PLCD3: variants seen among roughly 807,000 people sequenced by gnomAD.
PLCD3 encodes 1-phosphatidylinositol 4,5-bisphosphate phosphodiesterase delta-3.
A neutral mutation model predicts 82.8 loss-of-function variants in PLCD3; 62 were observed. The observed-to-expected ratio is 0.75, with a 90% CI of 0.61 to 0.93. The LOEUF is 0.93. Ranked by LOEUF, PLCD3 falls within the 40% of genes least tolerant of loss-of-function variation. PLCD3 has a pLI of 0.00. For synonymous variants in PLCD3, 478 were observed against 471.8 expected, an observed-to-expected ratio of 1.01 and a Z score of -0.17; for missense variants, 1,023 against 1,103.4, an observed-to-expected ratio of 0.93 and a Z score of 1.03.
At chr17:45,112,762 C>T in intron 14 of PLCD3, 58 bp from the exon 15 acceptor site, 2 of 1,588,932 alleles carry the variant, frequency 1.3e-6, no homozygotes, top group Non-Finnish European at 1.7e-6. Context: ...TCTGGCCCAG[C>T]CCGGGCCTGC....
chr17:45,117,009 A>G (rs1037694268), intron 7 of PLCD3, among the ~76,000 whole-genome samples: 2 of 152,068 alleles, frequency 1.3e-5, no homozygotes, highest in African/African-American at 4.8e-5. Flanking sequence ...TAGTGGTGCA[A>G]TCTCAGCTCA....
chr17:45,112,517 G>A lies in PLCD3; in HGVS notation c.*99C>T. On this transcript the variant is annotated 3_prime_UTR_variant, in exon 15 of 15. Coordinates refer to ENST00000619929, the MANE Select transcript of PLCD3 (RefSeq NM_133373.5). Reference sequence around the variant, plus strand: ...TGAGTGGGCCAAGTGGGTGGGCTGGGGGGCTGGTACTCCCACCACCTGACT... The same window carrying A: ...TGAGTGGGCCAAGTGGGTGGGCTGGAGGGCTGGTACTCCCACCACCTGACT... 1.5e-6 allele frequency: 2 copies of A among 1,314,140 alleles called. No homozygotes were observed. The highest frequency in any genetic ancestry group is 2.1e-6 in the Non-Finnish European group (2 of 939,220). 81.4% of individuals were successfully genotyped at this position (1,314,140 alleles called of 1,614,324 possible). A position where few individuals can be genotyped will look rare whatever the true frequency, so the allele number is the denominator to read the frequency against.
intron 10 of PLCD3, 63 bp downstream of exon 10, chr17:45,115,031 C>T (rs2054277511): frequency 6.5e-7 from 1 of 1,532,598 alleles, no homozygotes; most frequent in Non-Finnish European, 8.8e-7. Flanking sequence ...AACTCCTTTC[C>T]AGACTCCCTT....
chr17:45,118,870 G>A lies in PLCD3; in HGVS notation c.858C>T (p.Gly286=), dbSNP rs373640794. 5.0e-5 allele frequency: 80 copies of A among 1,611,864 alleles called. 2 individuals are homozygous for A. In the East Asian group the frequency reaches 5.6e-4, roughly 11 times the overall value. ...GCTGCTGGGCGCGGGCCAGTGTGGC[G>A]CCCTCCTCGCCCTGGTCCTCCAGGA... is the stretch of plus-strand genomic sequence containing the variant. ...LEFLEDQGEE[G]ATLARAQQLI... Residue 286 remains glycine, a synonymous_variant, in exon 5 of 15, where the codon GGC becomes GGT. Transcript: ENST00000619929. This position sits in a 1 kb window ranked among gnomAD's most constrained non-coding sequence, Gnocchi z 4.1.
chr17:45,117,193 C>T (rs949128450), intron 7 of PLCD3, among the ~76,000 whole-genome samples: 1 of 152,156 alleles, frequency 6.6e-6, no homozygotes, highest in African/African-American at 2.4e-5. Context: ...GATCTGCCCA[C>T]CTCAGCCTCC....
At chr17:45,122,762 C>T (rs2054351557) in intron 1 of PLCD3, among the ~76,000 whole-genome samples, 1 of 152,154 alleles carries the variant, frequency 6.6e-6, no homozygotes, top group Non-Finnish European at 1.5e-5. Flanking sequence ...CCCTGGAACA[C>T]GTGATGCCCA....
At chr17:45,119,302 A>G (rs2054318728) in intron 4 of PLCD3, among the ~76,000 whole-genome samples, 1 of 152,198 alleles carries the variant, frequency 6.6e-6, no homozygotes, top group Non-Finnish European at 1.5e-5. Context: ...ATCATAGCTC[A>G]CTGCAGCTTC....
intron 8 of PLCD3, among the ~76,000 whole-genome samples, chr17:45,116,338 G>A (rs1401875087): frequency 6.6e-6 from 1 of 152,154 alleles, no homozygotes; most frequent in Non-Finnish European, 1.5e-5. Flanking sequence ...GGCCTTGCAG[G>A]TGGGAATGGC....
In PLCD3 at chr17:45,121,200, C is replaced by T. The variant is rs1426994921; in HGVS notation, c.325+11G>A. ...ACCTCCCTGTCCGCCCGGCGCTCCC[C>T]GGCCTCTCACAGATGTGCTGCGATG... is the stretch of plus-strand genomic sequence containing the variant. On this transcript the variant is annotated intron_variant, in intron 2 of 14. Coordinates refer to ENST00000619929, the MANE Select transcript of PLCD3 (RefSeq NM_133373.5). 5 of 1,565,462 alleles carry T rather than the reference C, an allele frequency of 3.2e-6. No homozygotes were observed. The highest frequency in any genetic ancestry group is 2.7e-5 in the African/African-American group (2 of 73,450).
intron 1 of PLCD3, among the ~76,000 whole-genome samples, chr17:45,128,682 G>C (rs543123864): frequency 1.3e-5 from 2 of 152,344 alleles, no homozygotes; most frequent in Admixed American, 6.5e-5. Flanking sequence ...TCAGGGCACA[G>C]GCACACACGG....
rs142515394 is a variant in PLCD3 at position 45,126,322 on chromosome 17, A to T, written c.164-4950T>A. Among the ~76,000 whole-genome samples, 297 of 139,964 alleles carry T rather than the reference A, an allele frequency of 2.1e-3. 1 individual carries two copies. Among genetic ancestry groups the T allele is most frequent in the Admixed American group, 0.018 (245 of 13,320 alleles). The allele number at this position is 139,964 out of a possible 152,430, so 91.8% of individuals were successfully genotyped here. A position where few individuals can be genotyped will look rare whatever the true frequency, so the allele number is the denominator to read the frequency against. ...CAGCCTCCCAAAGTGCTGGGATTACAGGCATGAGCCACTGCGCCCAGCCTA... is the reference window on the plus strand; with the variant it reads ...CAGCCTCCCAAAGTGCTGGGATTACTGGCATGAGCCACTGCGCCCAGCCTA... On this transcript the variant is annotated intron_variant, in intron 1 of 14. Transcript: ENST00000619929.
rs575354326 is a variant in PLCD3 at position 45,112,779 on chromosome 17, G to A, written c.2282-75C>T. 31 of 1,592,396 alleles carry A rather than the reference G, an allele frequency of 1.9e-5. No homozygotes were observed. The East Asian group carries it at 5.9e-4, about 31-fold the overall frequency. ...TGGCCCAGCCCGGGCCTGCTTCAGG[G>A]CAGGAAATTCGAGGCACAAAGGTGA... On this transcript the variant is annotated intron_variant, in intron 14 of 14. Coordinates refer to ENST00000619929, the MANE Select transcript of PLCD3 (RefSeq NM_133373.5).
At chr17:45,117,961 G>C (rs1466594526) in intron 7 of PLCD3, 33 bp downstream of exon 7, 1 of 1,610,408 alleles carries the variant, frequency 6.2e-7, no homozygotes, top group African/African-American at 1.3e-5. Flanking sequence ...TGGGAAGGCT[G>C]TGGGGCTGGG....
At chr17:45,127,803 AGTGTGT>A (rs1447202637) in intron 1 of PLCD3, among the ~76,000 whole-genome samples, 1 of 71,672 alleles carries the variant, frequency 1.4e-5, no homozygotes. Context: ...AATGTGTGTG[AGTGTGT>A]GCGTGTGAGT....
chr17:45,123,008 AAAAT>A (rs1164221570), intron 1 of PLCD3, among the ~76,000 whole-genome samples: 3 of 152,322 alleles, frequency 2.0e-5, no homozygotes, highest in African/African-American at 7.2e-5. Context: ...AAATTGAAAA[AAAAT>A]AAAAATCAAT....
At chr17:45,121,170 T>C in intron 2 of PLCD3, 40 bp from the exon 3 acceptor site, 1 of 1,536,774 alleles carries the variant, frequency 6.5e-7, no homozygotes, top group Non-Finnish European at 8.7e-7. Context: ...ACCGGGCCTG[T>C]CCCCACCTCC....
In PLCD3 at chr17:45,108,980, C is replaced by G. The variant is rs1170305096; in HGVS notation, c.*3636G>C. The G allele has an allele frequency of 1.3e-5, 2 of 152,658 alleles. No individual in the cohort carries two copies. The highest frequency in any genetic ancestry group is 2.4e-5 in the African/African-American group (1 of 41,456). 9.5% of individuals were successfully genotyped at this position (152,658 alleles called of 1,614,324 possible). A position where few individuals can be genotyped will look rare whatever the true frequency, so the allele number is the denominator to read the frequency against. Reference sequence around the variant, plus strand: ...TGCATTGTTGTTCTGCTCAATACATCTCACTTGTTTCTAATAAAGAAAGCA... The same window carrying G: ...TGCATTGTTGTTCTGCTCAATACATGTCACTTGTTTCTAATAAAGAAAGCA... On this transcript the variant is annotated 3_prime_UTR_variant, in exon 15 of 15. Coordinates refer to ENST00000619929, the MANE Select transcript of PLCD3 (RefSeq NM_133373.5).
chr17:45,117,181 G>GTGA (rs1191954541), intron 7 of PLCD3, among the ~76,000 whole-genome samples: 1 of 152,148 alleles, frequency 6.6e-6, no homozygotes, highest in Non-Finnish European at 1.5e-5. Context: ...CTGACCTCAG[G>GTGA]TGATCTGCCC....
rs892306997 is a variant in PLCD3 at position 45,110,418 on chromosome 17, T to TG, written c.*2197dup. ...GAGATCACGCCATCGCACTCCATCCTGGGGGACGAGCAAGACTTTGTCTCA... is the reference window on the plus strand; with the variant it reads ...GAGATCACGCCATCGCACTCCATCCTGGGGGGACGAGCAAGACTTTGTCTCA... On this transcript the variant is annotated 3_prime_UTR_variant, in exon 15 of 15. Transcript: ENST00000619929. 1 of 146,428 alleles carries TG rather than the reference T, an allele frequency of 6.8e-6. No homozygotes were observed. Among genetic ancestry groups the TG allele is most frequent in the African/African-American group, 2.6e-5 (1 of 39,206 alleles). 9.1% of individuals were successfully genotyped at this position (146,428 alleles called of 1,614,324 possible).
Sources: allele counts gnomAD v4.1 joint callset (sites outside exome capture counted in the v4.1 genomes callset), GRCh38; gene constraint gnomAD v4.1.1; non-coding constraint Gnocchi (gnomAD v3.1); transcripts MANE v1.5; gene names NCBI Gene and HGNC (gene_info 2026-07-23, HGNC 2026-07-21).